Variants in AGBL1 observed in about 807,000 individuals in gnomAD.
AGBL1 encodes the protein AGBL carboxypeptidase 1.
In AGBL1, 130 loss-of-function variants were observed where a neutral mutation model predicts 118.9. The ratio of observed to expected loss-of-function variants is 1.09; its 90% CI spans 0.95 to 1.26. The LOEUF (loss-of-function observed/expected upper bound fraction) is 1.26. Ranked by LOEUF, AGBL1 falls within the 50% of genes most tolerant of loss-of-function variation. AGBL1 has a pLI of 0.00. For synonymous variants in AGBL1, 555 were observed against 478.9 expected (o/e 1.16, Z -2.08); for missense variants, 1,584 against 1,298.1 (o/e 1.22, Z -3.38).
chr15:86,947,837 C>T (rs16978113), intron 23 of AGBL1, among the ~76,000 whole-genome samples: 16 of 152,146 alleles, frequency 1.1e-4, no homozygotes, highest in East Asian at 3.9e-4. Context: ...GATTATCTGA[C>T]GTTGTTTTTT....
At chr15:86,086,002 CAG>C (rs1895620999) in intron 1 of AGBL1, among the ~76,000 whole-genome samples, 1 of 152,170 alleles carries the variant, frequency 6.6e-6, no homozygotes, top group Non-Finnish European at 1.5e-5. Context: ...AGAGGGTGGA[CAG>C]GGGACCAGTG....
Position 86,284,163 on chromosome 15 carries a change from C to T in AGBL1, c.2220+4380C>T, listed in dbSNP as rs146089980. ...TCTGTTGGACTGATTGGAAGATACC[C>T]GTTCCATAATTCATACTAAAATTAA... On this transcript the variant is annotated intron_variant, in intron 16 of 22. Coordinates refer to ENST00000614907, the MANE Select transcript of AGBL1 (RefSeq NM_001386094.1). Among the ~76,000 whole-genome samples the T allele has an allele frequency of 2.2e-3, 316 of 146,680 alleles. 3 individuals are homozygous for T. The highest frequency in any genetic ancestry group is 7.5e-3 in the African/African-American group (295 of 39,568).
intron 22 of AGBL1, among the ~76,000 whole-genome samples, chr15:86,677,765 G>A (rs532813952): frequency 8.6e-5 from 13 of 151,794 alleles, no homozygotes; most frequent in African/African-American, 2.9e-4. Context: ...TTTGTTTGAC[G>A]GACAACACTA....
At chr15:86,296,688 C>A (rs898240152) in intron 17 of AGBL1, 1 of 152,186 alleles carries the variant, frequency 6.6e-6, no homozygotes, top group African/African-American at 2.4e-5. Flanking sequence ...CCCTAAAATG[C>A]TTTAATGAAT....
chr15:86,732,208 C>A (rs912696681), intron 22 of AGBL1, among the ~76,000 whole-genome samples: 6 of 152,142 alleles, frequency 3.9e-5, no homozygotes, highest in East Asian at 1.9e-4. Context: ...TTCTTTTATA[C>A]CTTAGTGGTC....
At chr15:86,307,165 G>C (rs1405423946) in intron 17 of AGBL1, among the ~76,000 whole-genome samples, 1 of 152,082 alleles carries the variant, frequency 6.6e-6, no homozygotes, top group Non-Finnish European at 1.5e-5. Flanking sequence ...ATTTTTGGGG[G>C]CGTGACTCAG....
At chr15:86,512,499 C>A (rs2083064319) in intron 18 of AGBL1, among the ~76,000 whole-genome samples, 1 of 151,736 alleles carries the variant, frequency 6.6e-6, no homozygotes, top group African/African-American at 2.4e-5. Context: ...AAGGTGTAAT[C>A]TAATTTTTTC....
chr15:86,788,960 C>G (rs1359939407), intron 22 of AGBL1, among the ~76,000 whole-genome samples: 1 of 152,202 alleles, frequency 6.6e-6, no homozygotes, highest in African/African-American at 2.4e-5. Context: ...ATGGGATCTG[C>G]TGGCAGGCAG....
downstream of AGBL1, among the ~76,000 whole-genome samples, chr15:86,916,913 A>G (rs868726837): frequency 6.6e-6 from 1 of 152,190 alleles, no homozygotes; most frequent in African/African-American, 2.4e-5. Flanking sequence ...AGTGCCGTTG[A>G]TATCCTGCCA....
chr15:86,561,494 T>A (rs2083819635), intron 21 of AGBL1, among the ~76,000 whole-genome samples: 1 of 152,208 alleles, frequency 6.6e-6, no homozygotes, highest in Admixed American at 6.5e-5. Context: ...GAGGCCTCTG[T>A]GCTGTTCCAT....
chr15:86,567,455 A>G (rs914254766), intron 21 of AGBL1, among the ~76,000 whole-genome samples: 2 of 152,202 alleles, frequency 1.3e-5, no homozygotes, highest in African/African-American at 4.8e-5. Context: ...GAAGAAGACA[A>G]TTTGTGAGCC....
chr15:86,087,549 G>A (rs990742816), intron 1 of AGBL1, among the ~76,000 whole-genome samples: 1 of 152,038 alleles, frequency 6.6e-6, no homozygotes, highest in Non-Finnish European at 1.5e-5. Flanking sequence ...GAGCTGGTCT[G>A]GAACTCCTGA....
intron 22 of AGBL1, among the ~76,000 whole-genome samples, chr15:86,841,915 A>G (rs1013492786): frequency 1.3e-5 from 2 of 152,198 alleles, no homozygotes; most frequent in Non-Finnish European, 2.9e-5. Flanking sequence ...CTTATTAAAT[A>G]TGGGACCTGA....
chr15:86,496,983 A>C (rs1237201711), intron 18 of AGBL1, among the ~76,000 whole-genome samples: 3 of 152,020 alleles, frequency 2.0e-5, no homozygotes, highest in Admixed American at 2.0e-4. Context: ...AATGACTACC[A>C]CAATCTAAAA....
intron 17 of AGBL1, among the ~76,000 whole-genome samples, chr15:86,300,523 C>G (rs2079729142): frequency 6.6e-6 from 1 of 152,116 alleles, no homozygotes; most frequent in African/African-American, 2.4e-5. Flanking sequence ...CAGGCTGATT[C>G]ACTGGTGAGA....
At chr15:86,253,277 G>T (rs1161101603) in intron 7 of AGBL1, among the ~76,000 whole-genome samples, 1 of 152,104 alleles carries the variant, frequency 6.6e-6, no homozygotes, top group Non-Finnish European at 1.5e-5. Context: ...TTGAGATGGA[G>T]TCTCGCTCTG....
rs957315619 is a variant in AGBL1 at position 86,336,680 on chromosome 15, A to G, written c.2374+41272A>G. ...ATCCATAATTTATACCAAGATGGGA[A>G]TAGCAAGCAAGACACTGCCCATTTT... On this transcript the variant is annotated intron_variant, in intron 17 of 22. Transcript: ENST00000614907. Among the ~76,000 whole-genome samples the G allele has an allele frequency of 1.3e-3, 201 of 152,326 alleles. 3 individuals are homozygous for G. The highest frequency in any genetic ancestry group is 1.6e-4 in the Non-Finnish European group (11 of 68,034).
At chr15:86,081,311 G>C (rs979934300) in intron 1 of AGBL1, among the ~76,000 whole-genome samples, 18 of 152,152 alleles carry the variant, frequency 1.2e-4, no homozygotes, top group African/African-American at 4.3e-4. Context: ...AAAATGCTGG[G>C]ATTACAGGCG....
At chr15:86,135,272 C>G (rs2141622384) in intron 1 of AGBL1, among the ~76,000 whole-genome samples, 1 of 152,354 alleles carries the variant, frequency 6.6e-6, no homozygotes, top group African/African-American at 2.4e-5. Flanking sequence ...ATACCATGAG[C>G]AGAAATAGCC....
Sources: allele counts gnomAD v4.1 joint callset (sites outside exome capture counted in the v4.1 genomes callset), GRCh38; gene constraint gnomAD v4.1.1; transcripts MANE v1.5; gene names NCBI Gene and HGNC (gene_info 2026-07-23, HGNC 2026-07-21).